The following TSHR variants were observed in gnomAD, a reference collection of about 807,000 sequenced individuals.
TSHR encodes the protein thyrotropin receptor.
In TSHR, 51 loss-of-function variants were observed where a neutral mutation model predicts 64.1. That is an observed-to-expected ratio of 0.80 (90% CI 0.64 to 1.01). The LOEUF is 1.01. Ranked by LOEUF, TSHR falls within the 50% of genes least tolerant of loss-of-function variation. TSHR has a pLI of 0.00. For synonymous variants in TSHR, 361 were observed against 361.9 expected (o/e 1.00, Z 0.03); for missense variants, 877 against 942.8 (o/e 0.93, Z 0.91).
At chr14:81,096,824 T>C (rs1889229979) in intron 7 of TSHR, 117 bp downstream of exon 7, 2 of 1,157,766 alleles carry the variant, frequency 1.7e-6, no homozygotes, top group East Asian at 2.6e-5. Context: ...CCAGAGTTAG[T>C]GTGACCAACA....
intron 3 of TSHR, chr14:81,087,600 G>T (rs1888376280): frequency 3.1e-6 from 1 of 327,452 alleles, no homozygotes; most frequent in Non-Finnish European, 5.9e-6. Flanking sequence ...AAATAATAAA[G>T]ATATTTGTCT....
In TSHR at chr14:81,143,099, T is replaced by C; in HGVS notation, c.1041T>C (p.His347=). Residue 347 remains histidine (H), a synonymous_variant, in exon 10 of 10, where the codon CAT becomes CAC. Coordinates refer to ENST00000298171, the MANE Select transcript of TSHR (RefSeq NM_000369.5). ...YKEKSKFQDT[H]NNAHYYVFFE... ...AAAAGTCCAAGTTCCAGGATACTCA[T>C]AACAACGCTCATTATTACGTCTTCT... The C allele has an allele frequency of 6.2e-7, 1 of 1,614,190 alleles. No homozygotes were observed. The highest frequency in any genetic ancestry group is 8.5e-7 in the Non-Finnish European group (1 of 1,180,038).
chr14:81,102,984 G>T (rs1425769977), intron 7 of TSHR: 1 of 985,172 alleles, frequency 1.0e-6, no homozygotes, highest in African/African-American at 1.7e-5. Flanking sequence ...ATAAAACAAT[G>T]CTCCATCATT....
intron 8 of TSHR, chr14:81,108,676 T>C: frequency 6.2e-7 from 1 of 1,614,030 alleles, no homozygotes; most frequent in East Asian, 2.2e-5. Context: ...CAGTATGCCA[T>C]CATGATGCCT....
At chr14:80,977,390 G>A (rs759963951) in intron 1 of TSHR, among the ~76,000 whole-genome samples, 1 of 152,172 alleles carries the variant, frequency 6.6e-6, no homozygotes, top group Non-Finnish European at 1.5e-5. Flanking sequence ...ACAAATTGCT[G>A]CTGAGTCTGC....
At chr14:81,025,773 A>C (rs995001165) in intron 1 of TSHR, among the ~76,000 whole-genome samples, 1 of 152,184 alleles carries the variant, frequency 6.6e-6, no homozygotes, top group Non-Finnish European at 1.5e-5. Flanking sequence ...AAAAGCCAAA[A>C]GCAACAAGGA....
chr14:81,017,157 T>C (rs1883457877), intron 1 of TSHR, among the ~76,000 whole-genome samples: 1 of 152,242 alleles, frequency 6.6e-6, no homozygotes, highest in African/African-American at 2.4e-5. Flanking sequence ...CTCCCATGCT[T>C]AGCGTTCCAA....
At chr14:80,993,428 C>T (rs1888849509) in intron 1 of TSHR, 1 of 152,156 alleles carries the variant, frequency 6.6e-6, no homozygotes, top group Non-Finnish European at 1.5e-5. Flanking sequence ...TATATGCCTA[C>T]TCTGCCCAGT....
intron 9 of TSHR, among the ~76,000 whole-genome samples, chr14:81,141,204 G>A (rs919293845): frequency 2.0e-5 from 3 of 152,190 alleles, no homozygotes; most frequent in African/African-American, 7.2e-5. Context: ...AGCCAGGAGT[G>A]GGGTAGAGGA....
At chr14:81,040,141 G>C (rs12100732) in intron 1 of TSHR, among the ~76,000 whole-genome samples, 19,893 of 151,920 alleles carry the variant, frequency 0.13, 1,583 homozygotes, top group Non-Finnish European at 0.18. Flanking sequence ...GAACAGAAGA[G>C]AGATCACAGA....
intron 8 of TSHR, among the ~76,000 whole-genome samples, chr14:81,124,710 AT>A (rs138131425): frequency 0.24 from 36,019 of 150,984 alleles, 4,333 homozygotes; most frequent in East Asian, 0.3. Flanking sequence ...TTTAATTGTC[AT>A]TTTTTTTTAT....
chr14:81,014,300 C>A (rs1890066553), intron 1 of TSHR: 1 of 152,122 alleles, frequency 6.6e-6, no homozygotes, highest in Non-Finnish European at 1.5e-5. Context: ...GGGGTCAGAC[C>A]AGAGGAAATG....
chr14:80,982,607 G>GAAAA (rs35277102), intron 1 of TSHR: 2 of 755,636 alleles, frequency 2.6e-6, no homozygotes, highest in Non-Finnish European at 1.9e-6. Context: ...GAAATTAATG[G>GAAAA]AAAAAAAAAA....
intron 1 of TSHR, chr14:80,992,479 T>C (rs1241975624): frequency 6.7e-6 from 1 of 149,152 alleles, no homozygotes; most frequent in Non-Finnish European, 1.5e-5. Flanking sequence ...ACTTTACACA[T>C]ACTACTGTTG....
In TSHR at chr14:81,143,879, A is replaced by G. The variant is rs1307789561; in HGVS notation, c.1821A>G (p.Thr607=). The G allele has an allele frequency of 2.5e-6, 4 of 1,614,068 alleles. No individual in the cohort carries two copies. Among genetic ancestry groups the G allele is most frequent in the Non-Finnish European group, 3.4e-6 (4 of 1,180,042 alleles). ...GCTGTTATGTGAAGATCTACATCAC[A>G]GTCCGAAATCCGCAGTACAACCCAG... The part of the protein sequence containing the change: ...VCCCYVKIYI[T]VRNPQYNPGD... The change falls in exon 10 of 10, where the codon ACA becomes ACG. Residue 607 remains threonine, a synonymous_variant. Transcript: ENST00000298171.
chr14:81,089,477 C>T (rs1241769011), intron 4 of TSHR, among the ~76,000 whole-genome samples: 1 of 152,164 alleles, frequency 6.6e-6, no homozygotes, highest in Non-Finnish European at 1.5e-5. Flanking sequence ...ACTATATGCT[C>T]TGTGGGGAAC....
At position 81,003,573 on chromosome 14, in the gene TSHR, A is replaced by C. The variant is rs542705639; in HGVS notation, c.170+47723A>C. The stretch of plus-strand genomic sequence containing the variant: ...GCAGTTTCACAAGTGTTCTTAAAGG[A>C]AACACAAATATTTGAAACTCTTGAT... On this transcript the variant is annotated intron_variant, in intron 1 of 9. Coordinates refer to ENST00000298171, the MANE Select transcript of TSHR (RefSeq NM_000369.5). The C allele has an allele frequency of 1.4e-5, 3 of 217,138 alleles. No homozygotes were observed. In the South Asian group the frequency reaches 2.4e-4, roughly 17 times the overall value. 13.5% of individuals were successfully genotyped at this position (217,138 alleles called of 1,614,324 possible). A position where few individuals can be genotyped will look rare whatever the true frequency, so the allele number is the denominator to read the frequency against.
chr14:81,092,492 C>T (rs570156274), intron 5 of TSHR, 39 bp from the exon 6 acceptor site: 1 of 1,591,434 alleles, frequency 6.3e-7, no homozygotes, highest in African/African-American at 1.3e-5. Context: ...AGAAGGAAAG[C>T]ATTTTTTCAT....
At chr14:80,981,141 T>C (rs955975094) in intron 1 of TSHR, among the ~76,000 whole-genome samples, 13 of 152,292 alleles carry the variant, frequency 8.5e-5, no homozygotes, top group Admixed American at 2.0e-4. Context: ...TCATTTATCA[T>C]TGAGAAAATG....
Sources: allele counts gnomAD v4.1 joint callset (sites outside exome capture counted in the v4.1 genomes callset), GRCh38; gene constraint gnomAD v4.1.1; transcripts MANE v1.5; gene names NCBI Gene and HGNC (gene_info 2026-07-23, HGNC 2026-07-21).